The following AGAP1 variants were observed in gnomAD, a reference collection of about 807,000 sequenced individuals.
AGAP1 encodes the protein ArfGAP with GTPase domain, ankyrin repeat and PH domain 1.
In AGAP1, 29 loss-of-function variants were observed where a neutral mutation model predicts 105.3. That is an observed-to-expected ratio of 0.28 (90% CI 0.21 to 0.38). AGAP1 has a LOEUF of 0.38. Ranked by LOEUF, AGAP1 falls within the 10% of genes least tolerant of loss-of-function variation. The pLI is 1.00. For missense variants in AGAP1, 998 were observed against 1,165.1 expected (o/e 0.86, Z 2.09); for synonymous variants, 509 against 485.9 (o/e 1.05, Z -0.63).
At chr2:236,016,950 A>G (rs1362888518) in intron 13 of AGAP1, among the ~76,000 whole-genome samples, 1 of 152,032 alleles carries the variant, frequency 6.6e-6, no homozygotes. Context: ...TAAGATTAAC[A>G]TGTGTACACA....
At chr2:235,810,854 T>TA (rs1559515438) in intron 9 of AGAP1, among the ~76,000 whole-genome samples, 4 of 146,392 alleles carry the variant, frequency 2.7e-5, no homozygotes, top group South Asian at 4.3e-4. Context: ...TTTTTTTTTT[T>TA]ACTAATAAGG....
At position 235,967,902 on chromosome 2, in the gene AGAP1, T is replaced by G. The variant is rs2054474722; in HGVS notation, c.1484-560T>G. Among the ~76,000 whole-genome samples the G allele has an allele frequency of 6.6e-6, 1 of 152,182 alleles. No homozygotes were observed. The highest frequency in any genetic ancestry group is 2.4e-5 in the African/African-American group (1 of 41,430). ...GCCTACTATATCGACTTCCAAACACTGTCACTGGACATTGGTGAGAGAGAG... is the reference window on the plus strand; with the variant it reads ...GCCTACTATATCGACTTCCAAACACGGTCACTGGACATTGGTGAGAGAGAG... On this transcript the variant is annotated intron_variant, in intron 12 of 17. Transcript: ENST00000304032. The surrounding 1 kb of genome is among the most constrained non-coding windows in gnomAD (Gnocchi z 4.7).
rs1575010454 is a variant in AGAP1, at chr2:235,635,683, C to T, written c.164-73496C>T. ...CTTCTCCAAAGCTGCCTCGCTCCTG[C>T]ACTGATGCTGTGCTATGAGGAGCCA... On this transcript the variant is annotated intron_variant, in intron 1 of 17. Coordinates refer to ENST00000304032, the MANE Select transcript of AGAP1 (RefSeq NM_001037131.3). The surrounding 1 kb of genome is among the most constrained non-coding windows in gnomAD (Gnocchi z 5.3). Among the ~76,000 whole-genome samples, 1 of 152,080 alleles carries T rather than the reference C, an allele frequency of 6.6e-6. No homozygotes were observed. Among genetic ancestry groups the T allele is most frequent in the African/African-American group, 2.4e-5 (1 of 41,396 alleles).
rs1951526949 is a variant in AGAP1 at position 235,724,059 on chromosome 2, T to C, written c.310+6415T>C. 6.6e-6 allele frequency among the ~76,000 whole-genome samples: 1 copy of C among 152,208 alleles called. No homozygotes were observed. Among genetic ancestry groups the C allele is most frequent in the South Asian group, 2.1e-4 (1 of 4,826 alleles). ...TGCAGGGAAGGGCCTTAGCCAGGCATGATGTGGGAGCGTTGGCCCTGGCAT... is the reference window on the plus strand; with the variant it reads ...TGCAGGGAAGGGCCTTAGCCAGGCACGATGTGGGAGCGTTGGCCCTGGCAT... On this transcript the variant is annotated intron_variant, in intron 3 of 17. Transcript: ENST00000304032. This position sits in a 1 kb window ranked among gnomAD's most constrained non-coding sequence, Gnocchi z 4.9.
rs765636971 is a variant in AGAP1, at chr2:235,752,222, G to A, written c.673+1734G>A. On this transcript the variant is annotated intron_variant, in intron 6 of 17. Transcript: ENST00000304032. This position sits in a 1 kb window ranked among gnomAD's most constrained non-coding sequence, Gnocchi z 4.3. ...GAGACAGAGTCTAGCTCTTTGCCCA[G>A]GCTGGAGTGCAATGGCGTGATGGCA... Among the ~76,000 whole-genome samples, 2 of 152,178 alleles carry A rather than the reference G, an allele frequency of 1.3e-5. No individual in the cohort carries two copies. Among genetic ancestry groups the A allele is most frequent in the African/African-American group, 2.4e-5 (1 of 41,452 alleles).
At chr2:235,590,690 TGC>T (rs1444799818) in intron 1 of AGAP1, among the ~76,000 whole-genome samples, 6,358 of 113,880 alleles carry the variant, frequency 0.056, 509 homozygotes, top group East Asian at 0.27. Context: ...TGTGTGCGTG[TGC>T]GTGTGTGTGT....
chr2:235,945,805 C>T (rs1329411993), intron 12 of AGAP1, among the ~76,000 whole-genome samples: 2 of 146,854 alleles, frequency 1.4e-5, no homozygotes, highest in African/African-American at 5.4e-5. Context: ...GTGATGCTGG[C>T]GTCTGCTTGG....
At chr2:235,594,844 G>C (rs906976882) in intron 1 of AGAP1, among the ~76,000 whole-genome samples, 13 of 149,362 alleles carry the variant, frequency 8.7e-5, no homozygotes, top group Non-Finnish European at 1.8e-4. Flanking sequence ...AGAGTGCTGG[G>C]ATTACAGGCG....
At chr2:235,862,995 T>C (rs1277225884) in intron 9 of AGAP1, among the ~76,000 whole-genome samples, 3 of 152,230 alleles carry the variant, frequency 2.0e-5, no homozygotes, top group Non-Finnish European at 4.4e-5. Context: ...CCACAGACAA[T>C]GTGGCTTCCC....
chr2:235,935,383 G>A (rs557977011), intron 12 of AGAP1, among the ~76,000 whole-genome samples: 16 of 152,272 alleles, frequency 1.1e-4, no homozygotes, highest in Admixed American at 2.6e-4. Flanking sequence ...GAAAAAGGCC[G>A]TTCCAGGAGT....
chr2:235,612,156 C>T lies in AGAP1; in HGVS notation c.164-97023C>T, dbSNP rs1019624048. Among the ~76,000 whole-genome samples the T allele has an allele frequency of 5.3e-5, 8 of 152,180 alleles. No individual in the cohort carries two copies. The highest frequency in any genetic ancestry group is 1.3e-4 in the Admixed American group (2 of 15,272). On this transcript the variant is annotated intron_variant, in intron 1 of 17. Coordinates refer to ENST00000304032, the MANE Select transcript of AGAP1 (RefSeq NM_001037131.3). The surrounding 1 kb of genome is among the most constrained non-coding windows in gnomAD (Gnocchi z 4.3). ...TTTCCAGATGGCTTATTGTTTCACA[C>T]GTTTTCTTTTCTCAGTGAAGCCCAG...
chr2:235,632,244 C>G (rs1010424988), intron 1 of AGAP1, among the ~76,000 whole-genome samples: 2 of 152,204 alleles, frequency 1.3e-5, no homozygotes, highest in East Asian at 1.9e-4. Flanking sequence ...GACTTCATCT[C>G]CCACCACCAG....
rs943487319 is a variant in AGAP1 at position 235,665,331 on chromosome 2, A to C, written c.164-43848A>C. 1.1e-4 allele frequency among the ~76,000 whole-genome samples: 17 copies of C among 152,162 alleles called. No individual in the cohort carries two copies. Among genetic ancestry groups the C allele is most frequent in the Admixed American group, 3.9e-4 (6 of 15,282 alleles). On this transcript the variant is annotated intron_variant, in intron 1 of 17. Transcript: ENST00000304032. The surrounding 1 kb of genome is among the most constrained non-coding windows in gnomAD (Gnocchi z 5.3). ...CTTCTGGGGTCTTTTTTCCTGCCAG[A>C]TCAATGTTCCTGCCCTACAGACAGA...
intron 1 of AGAP1, among the ~76,000 whole-genome samples, chr2:235,667,857 G>T (rs1948176297): frequency 6.6e-6 from 1 of 151,022 alleles, no homozygotes; most frequent in Non-Finnish European, 1.5e-5. Flanking sequence ...TACTCAGGAG[G>T]CTGAGACAGG....
In AGAP1 at chr2:236,053,086, G is replaced by A. The variant is rs892357201; in HGVS notation, c.2114+3805G>A. 6.6e-6 allele frequency among the ~76,000 whole-genome samples: 1 copy of A among 152,130 alleles called. No homozygotes were observed. Among genetic ancestry groups the A allele is most frequent in the Non-Finnish European group, 1.5e-5 (1 of 68,028 alleles). On this transcript the variant is annotated intron_variant, in intron 16 of 17. Coordinates refer to ENST00000304032, the MANE Select transcript of AGAP1 (RefSeq NM_001037131.3). The surrounding 1 kb of genome is among the most constrained non-coding windows in gnomAD (Gnocchi z 4.6). ...ATAACGTAGCGTGTTGTAGGGCGTC[G>A]AGCAGCTGGGCCGGGGGCCACCAGC...
chr2:235,730,488 A>AG (rs902519417), intron 3 of AGAP1, among the ~76,000 whole-genome samples: 1 of 150,672 alleles, frequency 6.6e-6, no homozygotes, highest in Non-Finnish European at 1.5e-5. Context: ...AAAAAAAAAA[A>AG]AAAAAAAAAA....
rs1946245886 is a variant in AGAP1 at position 235,614,578 on chromosome 2, T to TA, written c.164-94600dup. Among the ~76,000 whole-genome samples, 1 of 152,180 alleles carries TA rather than the reference T, an allele frequency of 6.6e-6. No individual in the cohort carries two copies. Among genetic ancestry groups the TA allele is most frequent in the African/African-American group, 2.4e-5 (1 of 41,460 alleles). ...GAATGCTGTCTGGTGTAAAATCTGTTAGCAGTTTCACTTCCATCTGGAGCA... is the reference window on the plus strand; with the variant it reads ...GAATGCTGTCTGGTGTAAAATCTGTTAAGCAGTTTCACTTCCATCTGGAGCA... On this transcript the variant is annotated intron_variant, in intron 1 of 17. Transcript: ENST00000304032. This position sits in a 1 kb window ranked among gnomAD's most constrained non-coding sequence, Gnocchi z 4.7.
Position 236,011,356 on chromosome 2 carries a change from A to C in AGAP1, c.1646-25205A>C, listed in dbSNP as rs139733096. Among the ~76,000 whole-genome samples, 484 of 152,332 alleles carry C rather than the reference A, an allele frequency of 3.2e-3. 2 individuals carry two copies. Among genetic ancestry groups the C allele is most frequent in the Non-Finnish European group, 5.7e-3 (389 of 68,034 alleles). On this transcript the variant is annotated intron_variant, in intron 13 of 17. Transcript: ENST00000304032. ...AGAAGAGATCAGTCTCGTTGTCTACACTGGAGCTGACAGTCAGTTTGTACC... is the reference window on the plus strand; with the variant it reads ...AGAAGAGATCAGTCTCGTTGTCTACCCTGGAGCTGACAGTCAGTTTGTACC...
In AGAP1 at chr2:235,724,537, G is replaced by T. The variant is rs1486088779; in HGVS notation, c.310+6893G>T. ...TCACTCAGGAGCCTGCCAGCGTAGG[G>T]CAGGGGAAGTCAGTGCCCTCCCAGA... On this transcript the variant is annotated intron_variant, in intron 3 of 17. Transcript: ENST00000304032. This position sits in a 1 kb window ranked among gnomAD's most constrained non-coding sequence, Gnocchi z 4.9. Among the ~76,000 whole-genome samples the T allele has an allele frequency of 6.6e-6, 1 of 152,192 alleles. No homozygotes were observed. The highest frequency in any genetic ancestry group is 1.9e-4 in the East Asian group (1 of 5,186).
Sources: allele counts gnomAD v4.1 joint callset (sites outside exome capture counted in the v4.1 genomes callset), GRCh38; gene constraint gnomAD v4.1.1; non-coding constraint Gnocchi (gnomAD v3.1); transcripts MANE v1.5; gene names NCBI Gene and HGNC (gene_info 2026-07-23, HGNC 2026-07-21).